The following DPP6 variants were observed in gnomAD, a reference collection of about 807,000 sequenced individuals.
The protein encoded by DPP6 is dipeptidyl peptidase like 6.
A neutral mutation model predicts 122.6 loss-of-function variants in DPP6; 69 were observed. The ratio of observed to expected loss-of-function variants is 0.56; its 90% CI spans 0.46 to 0.69. DPP6 has a LOEUF of 0.69. Among genes scored for constraint, DPP6 ranks in the 30% least tolerant of loss-of-function variants. DPP6 has a pLI of 0.00. For missense variants in DPP6, 928 were observed against 1,116.9 expected (o/e 0.83, Z 2.41); for synonymous variants, 418 against 433.1 (o/e 0.97, Z 0.43).
intron 17 of DPP6, among the ~76,000 whole-genome samples, chr7:154,864,971 T>A (rs954903180): frequency 2.1e-4 from 32 of 152,228 alleles, no homozygotes; most frequent in African/African-American, 7.7e-4. Context: ...AACCTTCTCC[T>A]TCATGACCAG....
At position 154,382,736 on chromosome 7, in the gene DPP6, T is replaced by C. The variant is rs1325480192; in HGVS notation, c.244-63478T>C. Among the ~76,000 whole-genome samples, 3 of 152,240 alleles carry C rather than the reference T, an allele frequency of 2.0e-5. No individual in the cohort carries two copies. In the East Asian group the frequency reaches 5.8e-4, roughly 29 times the overall value. On this transcript the variant is annotated intron_variant, in intron 1 of 25. Transcript: ENST00000377770. Reference sequence around the variant, plus strand: ...GTATATATTTTAGTATTCCTTTTTGTTTGTTTGTTTTTGAGACAGAGTTTT... The same window carrying C: ...GTATATATTTTAGTATTCCTTTTTGCTTGTTTGTTTTTGAGACAGAGTTTT...
chr7:154,352,244 A>T (rs1223185666), intron 1 of DPP6, among the ~76,000 whole-genome samples: 1 of 152,086 alleles, frequency 6.6e-6, no homozygotes, highest in Admixed American at 6.5e-5. Context: ...TGGGCAGATC[A>T]TGAGGTCAGG....
chr7:154,752,602 G>T (rs1217227842), intron 8 of DPP6, among the ~76,000 whole-genome samples: 3 of 152,178 alleles, frequency 2.0e-5, no homozygotes, highest in East Asian at 3.9e-4. Context: ...TACTAAGGAG[G>T]CCTCACCCTT....
chr7:154,127,628 CACACAG>C (rs1426305043), intron 1 of DPP6, among the ~76,000 whole-genome samples: 7 of 106,878 alleles, frequency 6.5e-5, no homozygotes, highest in African/African-American at 2.2e-4. Flanking sequence ...CACACACACA[CACACAG>C]ACACACACAC....
At chr7:154,369,783 A>G (rs1314993756) in intron 1 of DPP6, among the ~76,000 whole-genome samples, 1 of 152,152 alleles carries the variant, frequency 6.6e-6, no homozygotes, top group Non-Finnish European at 1.5e-5. Flanking sequence ...CTGAGCTGCC[A>G]CATGTCCCCT....
chr7:154,081,040 G>A, intron 1 of DPP6, among the ~76,000 whole-genome samples: 1 of 152,074 alleles, frequency 6.6e-6, no homozygotes, highest in East Asian at 1.9e-4. Flanking sequence ...TTGCAAATAA[G>A]CAGTTGTCAG....
At chr7:154,205,618 C>T (rs1216952144) in intron 1 of DPP6, among the ~76,000 whole-genome samples, 1 of 152,118 alleles carries the variant, frequency 6.6e-6, no homozygotes, top group African/African-American at 2.4e-5. Flanking sequence ...GGCTGAGAGA[C>T]CTGAGGTGTC....
intron 5 of DPP6, among the ~76,000 whole-genome samples, chr7:154,581,910 T>A (rs143529836): frequency 0.011 from 1,685 of 152,214 alleles, 28 homozygotes; most frequent in African/African-American, 0.038. Context: ...GAAACCAGGA[T>A]TTTTGACTAT....
intron 5 of DPP6, among the ~76,000 whole-genome samples, chr7:154,620,571 G>C (rs944506712): frequency 1.3e-5 from 2 of 152,218 alleles, no homozygotes; most frequent in Non-Finnish European, 2.9e-5. Context: ...CAAGTGTGCA[G>C]TGTTTTTTTC....
chr7:154,125,230 T>C (rs1206462213), intron 1 of DPP6, among the ~76,000 whole-genome samples: 1 of 152,268 alleles, frequency 6.6e-6, no homozygotes, highest in South Asian at 2.1e-4. Flanking sequence ...CTCAGAAACC[T>C]TTCTGCAAAG....
At chr7:154,812,548 T>C (rs1304066741) in intron 16 of DPP6, among the ~76,000 whole-genome samples, 1 of 152,124 alleles carries the variant, frequency 6.6e-6, no homozygotes, top group Non-Finnish European at 1.5e-5. Flanking sequence ...TGTATCCTCA[T>C]GTGGTGGGAA....
intron 3 of DPP6, among the ~76,000 whole-genome samples, chr7:154,485,297 A>G (rs1823688888): frequency 6.6e-6 from 1 of 152,224 alleles, no homozygotes; most frequent in Non-Finnish European, 1.5e-5. Flanking sequence ...TTGTACCTTA[A>G]TGAAGTCCTT....
At chr7:153,962,048 T>TG (rs1284168939) in intron 1 of DPP6, among the ~76,000 whole-genome samples, 72 of 148,500 alleles carry the variant, frequency 4.8e-4, no homozygotes, top group African/African-American at 1.8e-3. Flanking sequence ...AGAGCAGAGC[T>TG]GGGGGGAAAG....
At chr7:154,090,068 C>T (rs1486025054) in intron 1 of DPP6, among the ~76,000 whole-genome samples, 2 of 152,208 alleles carry the variant, frequency 1.3e-5, no homozygotes, top group Non-Finnish European at 2.9e-5. Flanking sequence ...ATGTGATGAG[C>T]AAGCCTTGGA....
At position 154,348,380 on chromosome 7, in the gene DPP6, C is replaced by G. The variant is rs147159617; in HGVS notation, c.244-97834C>G. Among the ~76,000 whole-genome samples the G allele has an allele frequency of 9.9e-3, 1,513 of 152,160 alleles. 15 individuals carry two copies. Among genetic ancestry groups the G allele is most frequent in the Middle Eastern group, 0.031 (9 of 294 alleles). ...AGCATTGTAGGTTTTAATCAAAATC[C>G]CTACAGAAATGAAAGTCTTAATTAA... On this transcript the variant is annotated intron_variant, in intron 1 of 25. Coordinates refer to ENST00000377770, the MANE Select transcript of DPP6 (RefSeq NM_130797.4).
At chr7:154,529,219 A>T (rs1369372073) in intron 3 of DPP6, among the ~76,000 whole-genome samples, 1 of 152,192 alleles carries the variant, frequency 6.6e-6, no homozygotes, top group Non-Finnish European at 1.5e-5. Flanking sequence ...TGGGCAAGTC[A>T]GGAAATAATC....
At position 154,760,344 on chromosome 7, in the gene DPP6, A is replaced by AG. The variant is rs990198611; in HGVS notation, c.884-9067dup. 3.3e-5 allele frequency among the ~76,000 whole-genome samples: 5 copies of AG among 151,764 alleles called. No individual in the cohort carries two copies. The highest frequency in any genetic ancestry group is 4.8e-5 in the African/African-American group (2 of 41,294). Reference sequence around the variant, plus strand: ...ACTCATGGGCTGTGTGTGCAAATTCAGGGGGGTGGGGTGGAGGAAATTCAG... The same window carrying AG: ...ACTCATGGGCTGTGTGTGCAAATTCAGGGGGGGTGGGGTGGAGGAAATTCAG... On this transcript the variant is annotated intron_variant, in intron 8 of 25. Transcript: ENST00000377770. The surrounding 1 kb of genome is among the most constrained non-coding windows in gnomAD (Gnocchi z 4.5).
intron 7 of DPP6, among the ~76,000 whole-genome samples, chr7:154,695,740 T>G (rs1586906723): frequency 6.6e-6 from 1 of 151,202 alleles, no homozygotes; most frequent in South Asian, 2.1e-4. Context: ...ATCAGGGAGG[T>G]GCCGAGGGTA....
intron 1 of DPP6, among the ~76,000 whole-genome samples, chr7:153,900,300 A>C (rs1480274533): frequency 1.3e-5 from 2 of 149,336 alleles, no homozygotes; most frequent in Non-Finnish European, 3.0e-5. Context: ...CTGCTTTCAG[A>C]TTTTCAGGTA....
Sources: allele counts gnomAD v4.1 joint callset (sites outside exome capture counted in the v4.1 genomes callset), GRCh38; gene constraint gnomAD v4.1.1; non-coding constraint Gnocchi (gnomAD v3.1); transcripts MANE v1.5; gene names NCBI Gene and HGNC (gene_info 2026-07-23, HGNC 2026-07-21).